Variants in CELF4 observed in about 807,000 individuals in gnomAD.
CELF4 encodes CUG-BP- and ETR-3-like factor 4.
Under a neutral mutation model 59.9 loss-of-function variants are expected in CELF4, and 18 were observed. The observed-to-expected ratio is 0.30, with a 90% CI of 0.21 to 0.45. CELF4 has a LOEUF of 0.45. Among genes scored for constraint, CELF4 ranks in the 20% least tolerant of loss-of-function variants. The pLI is 1.00. For synonymous variants in CELF4, 261 were observed against 267.1 expected (o/e 0.98, Z 0.22); for missense variants, 456 against 689.0 (o/e 0.66, Z 3.79).
At chr18:37,484,891 C>T (rs1370757468) in intron 2 of CELF4, among the ~76,000 whole-genome samples, 1 of 152,146 alleles carries the variant, frequency 6.6e-6, no homozygotes, top group East Asian at 1.9e-4. Flanking sequence ...GTATATCTCT[C>T]CCCCCTCACC....
rs1478100724 is a variant in CELF4 at position 37,274,395 on chromosome 18, C to T, written c.717G>A (p.Arg239=). Residue 239 remains arginine (R), a synonymous_variant, in exon 6 of 13, where the codon CGG becomes CGA. Transcript: ENST00000420428. ...TCTGGCCAGCCATCTGCTGCATTCGCCGCATCGTGCGCTCCTTGTCGGTGT... is the reference window on the plus strand; with the variant it reads ...TCTGGCCAGCCATCTGCTGCATTCGTCGCATCGTGCGCTCCTTGTCGGTGT... ...FADTDKERTM[R]RMQQMAGQMG... The T allele has an allele frequency of 6.2e-7, 1 of 1,613,604 alleles. No individual in the cohort carries two copies. Among genetic ancestry groups the T allele is most frequent in the South Asian group, 1.1e-5 (1 of 91,086 alleles).
At chr18:37,470,887 T>TGTGTGTGAGAGAGAGAGAGA (rs1325788685) in intron 2 of CELF4, among the ~76,000 whole-genome samples, 1 of 71,926 alleles carries the variant, frequency 1.4e-5, no homozygotes, top group African/African-American at 5.4e-5. Context: ...TGTGTGTGTG[T>TGTGTGTGAGAGAGAGAGAGA]GACAGAGAGA....
intron 2 of CELF4, among the ~76,000 whole-genome samples, chr18:37,377,182 C>T (rs1298463304): frequency 1.3e-5 from 2 of 152,082 alleles, no homozygotes; most frequent in Non-Finnish European, 2.9e-5. Flanking sequence ...ACAAAGGCAT[C>T]CTGAGATGCA....
intron 1 of CELF4, among the ~76,000 whole-genome samples, chr18:37,547,822 T>C (rs554359952): frequency 3.9e-4 from 60 of 152,266 alleles, no homozygotes; most frequent in Non-Finnish European, 7.5e-4. Flanking sequence ...GCTTTGTCTT[T>C]AAGGAGTGGT....
chr18:37,463,920 GCCTT>G (rs2099800655), intron 2 of CELF4, among the ~76,000 whole-genome samples: 1 of 152,064 alleles, frequency 6.6e-6, no homozygotes, highest in Non-Finnish European at 1.5e-5. Context: ...TGCTAATGAG[GCCTT>G]CCTTGGTTTA....
intron 2 of CELF4, among the ~76,000 whole-genome samples, chr18:37,382,371 A>G (rs772167154): frequency 1.3e-5 from 2 of 152,202 alleles, no homozygotes; most frequent in Non-Finnish European, 2.9e-5. Context: ...TGGGAAACAC[A>G]GGTCCAGAGA....
chr18:37,260,716 C>G (rs2073774640), intron 10 of CELF4, among the ~76,000 whole-genome samples: 1 of 152,198 alleles, frequency 6.6e-6, no homozygotes. Flanking sequence ...TTTTCTCCAT[C>G]TATCTCTATT....
intron 1 of CELF4, among the ~76,000 whole-genome samples, chr18:37,491,655 G>A (rs1271563179): frequency 2.6e-5 from 4 of 152,156 alleles, no homozygotes; most frequent in African/African-American, 7.2e-5. Context: ...GAAGGGAGAA[G>A]GAGTGTGTGG....
intron 2 of CELF4, among the ~76,000 whole-genome samples, chr18:37,463,350 G>A (rs1317289877): frequency 2.0e-5 from 3 of 152,116 alleles, no homozygotes; most frequent in Non-Finnish European, 2.9e-5. Flanking sequence ...AGCCCTTGCT[G>A]GGCCCTCAGA....
At chr18:37,460,273 A>G (rs1036175421) in intron 2 of CELF4, among the ~76,000 whole-genome samples, 2 of 152,188 alleles carry the variant, frequency 1.3e-5, no homozygotes, top group Non-Finnish European at 2.9e-5. Context: ...TTATTCAAAT[A>G]ACTCCCTGGA....
Position 37,264,705 on chromosome 18 carries a change from C to T in CELF4, c.1218G>A (p.Pro406=), listed in dbSNP as rs78311159. 737 of 1,579,972 alleles carry T rather than the reference C, an allele frequency of 4.7e-4. 3 individuals are homozygous for T. The East Asian group carries it at 8.9e-3, about 19-fold the overall frequency. The part of the protein sequence containing the change: ...YGQISQAFPQ[P]PPMIPQQQRE... ...TCTGCTGCTGGGGGATCATTGGAGG[C>T]GGCTGAGGAAAGGCCTGGCTTATCT... The change falls in exon 10 of 13, where the codon CCG becomes CCA. Residue 406 remains proline, a synonymous_variant. Coordinates refer to ENST00000420428, the MANE Select transcript of CELF4 (RefSeq NM_020180.4).
At chr18:37,396,918 G>A (rs555695325) in intron 2 of CELF4, among the ~76,000 whole-genome samples, 3 of 152,138 alleles carry the variant, frequency 2.0e-5, no homozygotes, top group East Asian at 1.9e-4. Context: ...CATATCTTTT[G>A]TTTTTCTTAA....
In CELF4 at chr18:37,301,080, G is replaced by A. The variant is rs79784871; in HGVS notation, c.448+20723C>T. 2.1e-3 allele frequency among the ~76,000 whole-genome samples: 313 copies of A among 152,280 alleles called. 4 individuals carry two copies. In the East Asian group the frequency reaches 0.048, roughly 23 times the overall value. ...GGGCAGGAGACACAGGAGGAGGCAG[G>A]CAGATAGAAAGGAAGGGGGCAGTTG... On this transcript the variant is annotated intron_variant, in intron 3 of 12. Transcript: ENST00000420428.
intron 2 of CELF4, among the ~76,000 whole-genome samples, chr18:37,468,638 G>T (rs1479680533): frequency 6.6e-6 from 1 of 152,174 alleles, no homozygotes; most frequent in African/African-American, 2.4e-5. Context: ...AGACATACCT[G>T]AGACTGGGTA....
intron 2 of CELF4, among the ~76,000 whole-genome samples, chr18:37,427,039 G>T (rs1341978522): frequency 4.1e-5 from 1 of 24,322 alleles, no homozygotes; most frequent in Admixed American, 4.7e-4. Flanking sequence ...CAGGGACACG[G>T]GGGGGGGGGA....
intron 2 of CELF4, among the ~76,000 whole-genome samples, chr18:37,353,233 A>AAATATATATATAT (rs71168258): frequency 2.8e-5 from 3 of 106,976 alleles, no homozygotes; most frequent in East Asian, 2.8e-4. Context: ...AAAAAAAAAA[A>AAATATATATATAT]ATATATATAT....
chr18:37,470,079 C>G (rs2099817412), intron 2 of CELF4, among the ~76,000 whole-genome samples: 1 of 152,212 alleles, frequency 6.6e-6, no homozygotes, highest in Non-Finnish European at 1.5e-5. Flanking sequence ...CTGTTAGATA[C>G]TGAATACTTA....
chr18:37,321,072 C>A (rs1360661034), intron 3 of CELF4, among the ~76,000 whole-genome samples: 2 of 152,118 alleles, frequency 1.3e-5, no homozygotes, highest in African/African-American at 4.8e-5. Context: ...CCTGGTTAAC[C>A]CTGTGGCTGG....
chr18:37,272,882 G>T, intron 7 of CELF4, 134 bp downstream of exon 7: 1 of 844,758 alleles, frequency 1.2e-6, no homozygotes, highest in Non-Finnish European at 1.8e-6. Flanking sequence ...ACTGCCAGAA[G>T]GCAAGTCCTC....
Sources: gnomAD v4.1 joint callset for allele counts (sites outside exome capture counted in the v4.1 genomes callset) on GRCh38, gnomAD v4.1.1 for gene constraint, MANE v1.5 for transcripts, NCBI Gene and HGNC (gene_info 2026-07-23, HGNC 2026-07-21) for gene names.